TENT4B: variants seen among roughly 807,000 people sequenced by gnomAD.
The protein encoded by TENT4B is terminal nucleotidyltransferase 4B, also known as PAP associated domain containing 5.
Under a neutral mutation model 75.0 loss-of-function variants are expected in TENT4B, and 10 were observed. The observed-to-expected ratio is 0.13, with a 90% CI of 0.08 to 0.23. The LOEUF (loss-of-function observed/expected upper bound fraction) is 0.23. TENT4B is among the 10% of genes least tolerant of loss of function. The pLI, the probability that TENT4B is intolerant of heterozygous loss-of-function variation, is 1.00. For missense variants in TENT4B, 579 were observed against 893.8 expected (o/e 0.65, Z 4.49); for synonymous variants, 350 against 357.7 (o/e 0.98, Z 0.24).
chr16:50,160,510 C>T (rs1031358973), intron 1 of TENT4B, among the ~76,000 whole-genome samples: 1 of 152,132 alleles, frequency 6.6e-6, no homozygotes, highest in Non-Finnish European at 1.5e-5. Context: ...AATTCTGATC[C>T]TGGCATGCCA....
At chr16:50,205,783 G>A (rs912168355) in intron 1 of TENT4B, among the ~76,000 whole-genome samples, 18 of 151,388 alleles carry the variant, frequency 1.2e-4, no homozygotes, top group African/African-American at 4.4e-4. Flanking sequence ...TAGAGATGGG[G>A]TTTCGCCATG....
At chr16:50,195,587 G>A (rs910212589) in intron 1 of TENT4B, among the ~76,000 whole-genome samples, 1 of 152,138 alleles carries the variant, frequency 6.6e-6, no homozygotes, top group Non-Finnish European at 1.5e-5. Context: ...AAAACAAAAG[G>A]AGGCTTTAAA....
chr16:50,186,825 C>T lies in TENT4B; in HGVS notation c.639-24498C>T, dbSNP rs1279278103. Reference sequence around the variant, plus strand: ...CATCTTGCCTGACCTCAAGTGGCACCTGCCTTGGCCTCCCAAAGTGCTAGG... The same window carrying T: ...CATCTTGCCTGACCTCAAGTGGCACTTGCCTTGGCCTCCCAAAGTGCTAGG... On this transcript the variant is annotated intron_variant, in intron 1 of 11. Transcript: ENST00000561678. Among the ~76,000 whole-genome samples, 3 of 152,362 alleles carry T rather than the reference C, an allele frequency of 2.0e-5. No individual in the cohort carries two copies. The East Asian group carries it at 5.8e-4, about 29-fold the overall frequency.
chr16:50,155,185 A>G (rs1195795291), intron 1 of TENT4B, among the ~76,000 whole-genome samples: 1 of 151,830 alleles, frequency 6.6e-6, no homozygotes, highest in Non-Finnish European at 1.5e-5. Context: ...AATGTTTCCA[A>G]CTAGATCTCC....
chr16:50,226,086 G>C (rs577391293), intron 10 of TENT4B, among the ~76,000 whole-genome samples: 25 of 151,376 alleles, frequency 1.7e-4, no homozygotes, highest in African/African-American at 5.8e-4. Context: ...CTCAACCTTC[G>C]CCTCCTGGGT....
At chr16:50,185,835 C>A (rs2038515351) in intron 1 of TENT4B, among the ~76,000 whole-genome samples, 1 of 152,056 alleles carries the variant, frequency 6.6e-6, no homozygotes, top group Admixed American at 6.6e-5. Context: ...GTGACCTGTC[C>A]TCAGAGGCAA....
At position 50,234,279 on chromosome 16, in the gene TENT4B, CAAA is replaced by C. The variant is rs759941037; in HGVS notation, c.*4954_*4956del. 1 of 985,364 alleles carries C rather than the reference CAAA, an allele frequency of 1.0e-6. No homozygotes were observed. The highest frequency in any genetic ancestry group is 1.2e-6 in the Non-Finnish European group (1 of 829,954). 61.0% of individuals were successfully genotyped at this position (985,364 alleles called of 1,614,324 possible). A position where few individuals can be genotyped will look rare whatever the true frequency, so the allele number is the denominator to read the frequency against. On this transcript the variant is annotated 3_prime_UTR_variant, in exon 12 of 12. Coordinates refer to ENST00000561678, the MANE Select transcript of TENT4B (RefSeq NM_001365324.3). Reference sequence around the variant, plus strand: ...GACCTTCATCTCTTAAAAAAACAAACAAAAACCTGAATGGTGAGGTGTGGTGGA... The same window carrying C: ...GACCTTCATCTCTTAAAAAAACAAACAACCTGAATGGTGAGGTGTGGTGGA...
intron 1 of TENT4B, among the ~76,000 whole-genome samples, chr16:50,169,178 A>C (rs1003521708): frequency 1.3e-5 from 2 of 152,146 alleles, no homozygotes; most frequent in Middle Eastern, 3.2e-3. Context: ...TTTGAGGTAC[A>C]TTTTAAATCT....
At chr16:50,168,279 G>A (rs1158044751) in intron 1 of TENT4B, among the ~76,000 whole-genome samples, 3 of 151,480 alleles carry the variant, frequency 2.0e-5, no homozygotes, top group Admixed American at 6.6e-5. Context: ...ATTTGTAAGA[G>A]ATTTTGCAAA....
Position 50,156,756 on chromosome 16 carries a change from G to A in TENT4B, c.638+2497G>A, listed in dbSNP as rs139387168. On this transcript the variant is annotated intron_variant, in intron 1 of 11. Coordinates refer to ENST00000561678, the MANE Select transcript of TENT4B (RefSeq NM_001365324.3). ...TGTATCCTCTAACTCTTGGGCTCAAGTGATCCTCCTGCCTTAGCTTCCTGG... is the reference window on the plus strand; with the variant it reads ...TGTATCCTCTAACTCTTGGGCTCAAATGATCCTCCTGCCTTAGCTTCCTGG... Among the ~76,000 whole-genome samples the A allele has an allele frequency of 4.2e-3, 646 of 152,158 alleles. 4 individuals carry two copies. The highest frequency in any genetic ancestry group is 0.015 in the African/African-American group (620 of 41,504).
chr16:50,211,047 G>A lies in TENT4B; in HGVS notation c.639-276G>A, dbSNP rs554787697. On this transcript the variant is annotated intron_variant, in intron 1 of 11. Coordinates refer to ENST00000561678, the MANE Select transcript of TENT4B (RefSeq NM_001365324.3). ...ATCTTGTGTCTATTAGATCAGAAGTGGAAAGGCAGAGGCCAGCCCGTATGC... is the reference window on the plus strand; with the variant it reads ...ATCTTGTGTCTATTAGATCAGAAGTAGAAAGGCAGAGGCCAGCCCGTATGC... Among the ~76,000 whole-genome samples, 18 of 152,288 alleles carry A rather than the reference G, an allele frequency of 1.2e-4. No homozygotes were observed. In the South Asian group the frequency reaches 2.3e-3, roughly 19 times the overall value.
At chr16:50,188,295 A>G (rs2150705734) in intron 1 of TENT4B, among the ~76,000 whole-genome samples, 1 of 152,246 alleles carries the variant, frequency 6.6e-6, no homozygotes, top group Non-Finnish European at 1.5e-5. Flanking sequence ...TTCCCTCATC[A>G]CTTTTCTCTG....
rs572927264 is a variant in TENT4B, at chr16:50,224,020, G to T, written c.1381+633G>T. Among the ~76,000 whole-genome samples, 9 of 152,254 alleles carry T rather than the reference G, an allele frequency of 5.9e-5. No homozygotes were observed. In the South Asian group the frequency reaches 1.9e-3, roughly 32 times the overall value. On this transcript the variant is annotated intron_variant, in intron 7 of 11. Coordinates refer to ENST00000561678, the MANE Select transcript of TENT4B (RefSeq NM_001365324.3). ...TTGTAAAATAGATTCTGCGTTATTG[G>T]ACTTCAGTGGAAGTGCTTTTAGTCA...
At chr16:50,158,473 C>T (rs2037943246) in intron 1 of TENT4B, among the ~76,000 whole-genome samples, 1 of 152,166 alleles carries the variant, frequency 6.6e-6, no homozygotes, top group Non-Finnish European at 1.5e-5. Context: ...ATGCTGTCCA[C>T]CTGCTGCTGC....
At chr16:50,175,085 C>A (rs143099551) in intron 1 of TENT4B, among the ~76,000 whole-genome samples, 404 of 152,244 alleles carry the variant, frequency 2.7e-3, no homozygotes, top group African/African-American at 9.4e-3. Flanking sequence ...ATTCTACTCT[C>A]TACTTCTATG....
chr16:50,167,805 C>T (rs1037731457), intron 1 of TENT4B, among the ~76,000 whole-genome samples: 6 of 152,056 alleles, frequency 3.9e-5, no homozygotes, highest in African/African-American at 1.4e-4. Context: ...TACAGGCGTG[C>T]ACCACCAAGC....
intron 1 of TENT4B, among the ~76,000 whole-genome samples, chr16:50,207,216 C>G (rs985302072): frequency 6.6e-6 from 1 of 151,896 alleles, no homozygotes; most frequent in African/African-American, 2.4e-5. Context: ...GAGTCTTGCT[C>G]TGTTGCCCAG....
At position 50,153,835 on chromosome 16, in the gene TENT4B, G is replaced by A; in HGVS notation, c.214G>A (p.Ala72Thr). Residue 72 changes from alanine (A) to threonine (T), a missense_variant, in exon 1 of 12, where the codon GCG (alanine) becomes ACG (threonine). This residue lies in a region of TENT4B where 253 missense variants were observed against 270.1 expected (regional missense o/e 0.94). Coordinates refer to ENST00000561678, the MANE Select transcript of TENT4B (RefSeq NM_001365324.3). ...SGSSTGSPGGAASAPAPAPAG... is the reference protein window; with the variant it reads ...SGSSTGSPGGTASAPAPAPAG... ...CAGCAGCACCGGCAGCCCCGGCGGCGCGGCCTCGGCCCCGGCCCCGGCCCC... is the reference window on the plus strand; with the variant it reads ...CAGCAGCACCGGCAGCCCCGGCGGCACGGCCTCGGCCCCGGCCCCGGCCCC... The A allele has an allele frequency of 8.0e-7, 1 of 1,252,418 alleles. No individual in the cohort carries two copies. The allele number at this position is 1,252,418 out of a possible 1,614,324, so 77.6% of individuals were successfully genotyped here.
intron 1 of TENT4B, among the ~76,000 whole-genome samples, chr16:50,203,744 G>C (rs1275407879): frequency 1.3e-5 from 2 of 152,162 alleles, no homozygotes; most frequent in Non-Finnish European, 2.9e-5. Context: ...TTGAGACTCT[G>C]TGGACATTGG....
Sources: allele counts gnomAD v4.1 joint callset (sites outside exome capture counted in the v4.1 genomes callset), GRCh38; gene constraint gnomAD v4.1.1; regional missense constraint gnomAD v4.1.1; transcripts MANE v1.5; gene names NCBI Gene and HGNC (gene_info 2026-07-23, HGNC 2026-07-21).